ABCB5: variants seen among roughly 807,000 people sequenced by gnomAD.
The protein encoded by ABCB5 is ATP-binding cassette sub-family B member 5.
A neutral mutation model predicts 144.2 loss-of-function variants in ABCB5; 155 were observed. That is an observed-to-expected ratio of 1.08 (90% CI 0.94 to 1.23). The LOEUF is 1.23. Ranked by LOEUF, ABCB5 falls within the 50% of genes most tolerant of loss-of-function variation. ABCB5 has a pLI of 0.00. For missense variants in ABCB5, 1,830 were observed against 1,520.8 expected (o/e 1.20, Z -3.38); for synonymous variants, 610 against 528.6 (o/e 1.15, Z -2.11).
chr7:20,633,205 T>C (rs1583380636), intron 5 of ABCB5, among the ~76,000 whole-genome samples: 2 of 152,206 alleles, frequency 1.3e-5, no homozygotes, highest in South Asian at 2.1e-4. Context: ...GTATGAATAA[T>C]AAATAATTTA....
At chr7:20,654,871 A>C (rs1001847475) in intron 13 of ABCB5, among the ~76,000 whole-genome samples, 5 of 152,126 alleles carry the variant, frequency 3.3e-5, no homozygotes, top group Non-Finnish European at 7.3e-5. Context: ...TTTTCGGAAA[A>C]GAAAAAAGAT....
rs752690880 is a variant in ABCB5, at chr7:20,739,028, G to C, written c.2913G>C (p.Thr971=). The change falls in exon 24 of 28, where the codon ACG becomes ACC. Residue 971 remains threonine (T), a synonymous_variant. Coordinates refer to ENST00000404938, the MANE Select transcript of ABCB5 (RefSeq NM_001163941.2). ...IAYGAMAIGE[T]LVLAPEYSKA... ...ATGGAGCTATGGCCATCGGAGAAAC[G>C]CTCGTTTTGGCTCCTGAATATTCCA... 1 of 1,611,400 alleles carries C rather than the reference G, an allele frequency of 6.2e-7. No individual in the cohort carries two copies. Among genetic ancestry groups the C allele is most frequent in the Non-Finnish European group, 8.5e-7 (1 of 1,178,874 alleles).
intron 23 of ABCB5, among the ~76,000 whole-genome samples, chr7:20,729,671 T>C (rs1782147032): frequency 6.6e-6 from 1 of 152,200 alleles, no homozygotes; most frequent in Admixed American, 6.5e-5. Flanking sequence ...ATAAACGTCA[T>C]TGCTAAGCAT....
At chr7:20,638,732 G>T (rs1306412394) in intron 5 of ABCB5, among the ~76,000 whole-genome samples, 3 of 152,156 alleles carry the variant, frequency 2.0e-5, no homozygotes, top group African/African-American at 7.2e-5. Context: ...TTGCAAGGCT[G>T]TATCACATTT....
At chr7:20,707,801 C>CATTTTTTT (rs1217679616) in intron 20 of ABCB5, among the ~76,000 whole-genome samples, 5 of 93,090 alleles carry the variant, frequency 5.4e-5, no homozygotes, top group African/African-American at 2.1e-4. Context: ...AACCTCATTT[C>CATTTTTTT]TTTTTTTTTT....
At chr7:20,705,045 G>A (rs1272949883) in intron 20 of ABCB5, among the ~76,000 whole-genome samples, 1 of 151,912 alleles carries the variant, frequency 6.6e-6, no homozygotes, top group African/African-American at 2.4e-5. Flanking sequence ...GATAACTAGA[G>A]GACTAAAGAA....
At chr7:20,718,100 G>A (rs1453226163) in intron 20 of ABCB5, among the ~76,000 whole-genome samples, 3 of 149,998 alleles carry the variant, frequency 2.0e-5, no homozygotes, top group African/African-American at 7.3e-5. Flanking sequence ...TAGTAGAGAC[G>A]GGGTTTCACC....
intron 4 of ABCB5, among the ~76,000 whole-genome samples, chr7:20,629,433 A>G (rs1783984146): frequency 6.6e-6 from 1 of 152,158 alleles, no homozygotes; most frequent in Admixed American, 6.5e-5. Flanking sequence ...CGCTTGGGCC[A>G]TCCCAGGCCA....
intron 20 of ABCB5, among the ~76,000 whole-genome samples, chr7:20,712,212 C>T (rs1184279153): frequency 1.3e-3 from 2 of 1,580 alleles, no homozygotes; most frequent in African/African-American, 5.5e-3. Context: ...ACTGTCTTCT[C>T]GTTTGATTTT....
chr7:20,728,608 G>A, intron 23 of ABCB5, 153 bp downstream of exon 23: 8 of 911,384 alleles, frequency 8.8e-6, no homozygotes, highest in Non-Finnish European at 1.2e-5. Flanking sequence ...ACAAAAATTA[G>A]CTGGGTGTGG....
intron 15 of ABCB5, among the ~76,000 whole-genome samples, chr7:20,682,504 A>G (rs1785862318): frequency 6.6e-6 from 1 of 152,196 alleles, no homozygotes; most frequent in Non-Finnish European, 1.5e-5. Flanking sequence ...ACAACAGCAT[A>G]GAGGTAAGAA....
At chr7:20,732,684 T>A (rs1156987163) in intron 23 of ABCB5, among the ~76,000 whole-genome samples, 2 of 152,220 alleles carry the variant, frequency 1.3e-5, no homozygotes, top group African/African-American at 4.8e-5. Context: ...TACACCCATA[T>A]GTCTAATACC....
chr7:20,645,165 A>G (rs1784374655), intron 7 of ABCB5, among the ~76,000 whole-genome samples: 1 of 152,354 alleles, frequency 6.6e-6, no homozygotes, highest in Admixed American at 6.5e-5. Flanking sequence ...GCTTCCTTCA[A>G]TTCAACTTGA....
At chr7:20,641,969 A>C (rs187865910) in intron 5 of ABCB5, 1 of 152,364 alleles carries the variant, frequency 6.6e-6, no homozygotes, top group Admixed American at 6.5e-5. Context: ...CCTAAAATCT[A>C]TCTGCTTCTT....
chr7:20,645,687 T>C lies in ABCB5; in HGVS notation c.679-69T>C, dbSNP rs527457310. On this transcript the variant is annotated intron_variant, in intron 7 of 27. Transcript: ENST00000404938. ...GTCTACTTAGAATTCAAATTCTGCC[T>C]GACTTAAATGTTCAGAACATTATTA... 3.9e-6 allele frequency: 6 copies of C among 1,545,862 alleles called. No individual in the cohort carries two copies. In the Admixed American group the frequency reaches 1.2e-4, roughly 30 times the overall value.
Position 20,667,665 on chromosome 7 carries a change from G to GTAACTTTGAGGAAA in ABCB5, c.1707+8989_1707+8990insTAACTTTGAGGAAA. On this transcript the variant is annotated intron_variant, in intron 14 of 27. Coordinates refer to ENST00000404938, the MANE Select transcript of ABCB5 (RefSeq NM_001163941.2). ...TGTTTGCTTTTGGAAAATAACATTCGCCTCTGCCCCTGCCCCTGCCCCTGC... is the reference window on the plus strand; with the variant it reads ...TGTTTGCTTTTGGAAAATAACATTCGTAACTTTGAGGAAACCTCTGCCCCTGCCCCTGCCCCTGC... 9.8e-6 allele frequency: 6 copies of GTAACTTTGAGGAAA among 610,884 alleles called. No individual in the cohort carries two copies. In the South Asian group the frequency reaches 3.2e-4, roughly 32 times the overall value. The allele number at this position is 610,884 out of a possible 1,614,324, so 37.8% of individuals were successfully genotyped here. A position where few individuals can be genotyped will look rare whatever the true frequency, so the allele number is the denominator to read the frequency against.
chr7:20,750,085 T>C (rs1370311240), intron 26 of ABCB5, among the ~76,000 whole-genome samples: 3 of 152,178 alleles, frequency 2.0e-5, no homozygotes, highest in Non-Finnish European at 2.9e-5. Flanking sequence ...ATGTTGGGAA[T>C]TGGATATTGG....
chr7:20,731,440 G>T (rs796452144), intron 23 of ABCB5, among the ~76,000 whole-genome samples: 5 of 151,260 alleles, frequency 3.3e-5, no homozygotes, highest in African/African-American at 1.2e-4. Flanking sequence ...GTGTTGGAGG[G>T]CTTTAGAGCT....
intron 17 of ABCB5, 121 bp downstream of exon 17, chr7:20,698,671 G>T (rs1168622396): frequency 1.2e-6 from 1 of 865,930 alleles, no homozygotes; most frequent in Non-Finnish European, 1.7e-6. Context: ...GCCGCCCCTA[G>T]TGTGGAGTCC....
Sources: gnomAD v4.1 joint callset for allele counts (sites outside exome capture counted in the v4.1 genomes callset) on GRCh38, gnomAD v4.1.1 for gene constraint, MANE v1.5 for transcripts, NCBI Gene and HGNC (gene_info 2026-07-23, HGNC 2026-07-21) for gene names.